Variants in NCOR1 observed in about 807,000 individuals in gnomAD.
NCOR1 encodes the protein protein phosphatase 1, regulatory subunit 109.
NCOR1 carries 63 observed loss-of-function variants against 288.1 expected under a neutral mutation model. That is an observed-to-expected ratio of 0.22 (90% CI 0.18 to 0.27). The LOEUF (loss-of-function observed/expected upper bound fraction) is 0.27, where lower values mean the gene tolerates loss of function less well. Ranked by LOEUF, NCOR1 falls within the 10% of genes least tolerant of loss-of-function variation. The pLI, the probability that NCOR1 is intolerant of heterozygous loss-of-function variation, is 1.00. For missense variants in NCOR1, 2,397 were observed against 3,019.2 expected (o/e 0.79, Z 4.83); for synonymous variants, 1,007 against 1,065.9 (o/e 0.94, Z 1.08).
At chr17:16,120,983 C>G (rs893950371) in intron 16 of NCOR1, 69 bp downstream of exon 16, 27 of 1,378,782 alleles carry the variant, frequency 2.0e-5, no homozygotes, top group Middle Eastern at 5.0e-4. Flanking sequence ...TCCTTTCTAC[C>G]CTATCCTAGC....
intron 40 of NCOR1, among the ~76,000 whole-genome samples, chr17:16,050,598 T>A (rs2059195856): frequency 6.6e-6 from 1 of 152,192 alleles, no homozygotes; most frequent in Non-Finnish European, 1.5e-5. Flanking sequence ...ATTATGACTA[T>A]TAGACTAAAG....
chr17:16,054,180 A>C (rs1396523607), intron 40 of NCOR1, among the ~76,000 whole-genome samples: 1 of 152,034 alleles, frequency 6.6e-6, no homozygotes, highest in Non-Finnish European at 1.5e-5. Context: ...ACCAAAAGCA[A>C]CTGGAACAAA....
chr17:16,157,656 AT>A (rs2080034079), intron 6 of NCOR1, among the ~76,000 whole-genome samples: 2 of 152,114 alleles, frequency 1.3e-5, no homozygotes, highest in Admixed American at 6.6e-5. Context: ...ACAATCCCAA[AT>A]TTTACCTGAT....
intron 31 of NCOR1, 39 bp downstream of exon 31, chr17:16,070,126 C>G (rs1335629582): frequency 7.0e-7 from 1 of 1,438,690 alleles, no homozygotes; most frequent in Non-Finnish European, 9.2e-7. Context: ...TTTTTAAATG[C>G]AATAAAAAGT....
intron 22 of NCOR1, 94 bp downstream of exon 22, chr17:16,091,769 G>A: frequency 1.9e-6 from 3 of 1,584,074 alleles, no homozygotes. Context: ...CAGTTGGGAG[G>A]CTGACAACTT....
intron 18 of NCOR1, among the ~76,000 whole-genome samples, chr17:16,109,193 C>A (rs539511211): frequency 3.4e-4 from 51 of 152,180 alleles, no homozygotes; most frequent in African/African-American, 1.2e-3. Flanking sequence ...CCAAAAATCA[C>A]ATACCTCCAT....
At position 16,058,721 on chromosome 17, in the gene NCOR1, A is replaced by G. The variant is rs565051494; in HGVS notation, c.5882-122T>C. On this transcript the variant is annotated intron_variant, in intron 37 of 45. Transcript: ENST00000268712. ...ACCATGTTCAAAGGTATTCCAGGTT[A>G]ATGAGGGTTTTCTGAAGTTTTATGG... 7 of 1,045,932 alleles carry G rather than the reference A, an allele frequency of 6.7e-6. 1 individual carries two copies. In the East Asian group the frequency reaches 1.3e-4, roughly 19 times the overall value. The allele number at this position is 1,045,932 out of a possible 1,614,324, so 64.8% of individuals were successfully genotyped here. A position where few individuals can be genotyped will look rare whatever the true frequency, so the allele number is the denominator to read the frequency against.
At chr17:16,152,919 C>A (rs944063162) in intron 7 of NCOR1, among the ~76,000 whole-genome samples, 5 of 152,084 alleles carry the variant, frequency 3.3e-5, no homozygotes, top group African/African-American at 4.8e-5. Context: ...ACTGTTAATC[C>A]CATCTCCTGT....
At chr17:16,077,424 G>GAAGGA (rs1399641926) in intron 26 of NCOR1, among the ~76,000 whole-genome samples, 1 of 139,794 alleles carries the variant, frequency 7.2e-6, no homozygotes, top group Admixed American at 7.3e-5. Flanking sequence ...AAGCAAAAAG[G>GAAGGA]AAGGAAAGGA....
chr17:16,205,322 C>A (rs1237529698), intron 1 of NCOR1, among the ~76,000 whole-genome samples: 3 of 152,006 alleles, frequency 2.0e-5, no homozygotes, highest in Non-Finnish European at 4.4e-5. Flanking sequence ...CAAAAGTAGG[C>A]AATTTATAAA....
At chr17:16,201,425 C>G (rs2090792181) in intron 1 of NCOR1, among the ~76,000 whole-genome samples, 1 of 151,724 alleles carries the variant, frequency 6.6e-6, no homozygotes, top group Non-Finnish European at 1.5e-5. Flanking sequence ...AAAACAAAAC[C>G]CCGTCTACAC....
In NCOR1 at chr17:16,108,915, A is replaced by G. The variant is rs1329414456; in HGVS notation, c.2056-3T>C. ...TCTTCACGAGGTTTTCGTGAAGTCT[A>G]AAGGAGGAAAGAGTATTATTTGATT... On this transcript the variant is annotated splice_polypyrimidine_tract_variant and splice_region_variant and intron_variant, in intron 18 of 45. Transcript: ENST00000268712. 7 of 1,563,234 alleles carry G rather than the reference A, an allele frequency of 4.5e-6. No homozygotes were observed. The highest frequency in any genetic ancestry group is 2.3e-5 in the East Asian group (1 of 44,290).
rs901318258 is a variant in NCOR1, at chr17:16,154,040, T to A, written c.733-645A>T. On this transcript the variant is annotated intron_variant, in intron 6 of 45. Transcript: ENST00000268712. ...CTTTTTTTTTTTTTTTTTTTTTTTT[T>A]ATTTGAGACAGGGTCTCACTCTGTC... Among the ~76,000 whole-genome samples the A allele has an allele frequency of 3.5e-5, 4 of 113,472 alleles. No homozygotes were observed. The South Asian group carries it at 7.3e-4, about 21-fold the overall frequency. The allele number at this position is 113,472 out of a possible 152,430, so 74.4% of individuals were successfully genotyped here.
Position 16,182,185 on chromosome 17 carries a change from A to G in NCOR1, c.242+4369T>C, listed in dbSNP as rs954412346. Among the ~76,000 whole-genome samples the G allele has an allele frequency of 5.3e-5, 8 of 152,340 alleles. No homozygotes were observed. The South Asian group carries it at 6.2e-4, about 12-fold the overall frequency. On this transcript the variant is annotated intron_variant, in intron 3 of 45. Transcript: ENST00000268712. ...AAATAAAAATTGGAATAGTATTCAC[A>G]TAGAAGCCTGCCTGTTTCCAGTAAT...
intron 15 of NCOR1, among the ~76,000 whole-genome samples, chr17:16,124,572 A>G (rs566493097): frequency 6.6e-5 from 10 of 152,268 alleles, no homozygotes; most frequent in South Asian, 2.1e-4. Flanking sequence ...GTTCTTGGGG[A>G]AAAAAACAAC....
At chr17:16,047,898 A>C (rs1223415287) in intron 41 of NCOR1, among the ~76,000 whole-genome samples, 1 of 152,226 alleles carries the variant, frequency 6.6e-6, no homozygotes, top group Non-Finnish European at 1.5e-5. Context: ...CCTGTCCTCA[A>C]AACACTCATA....
intron 20 of NCOR1, among the ~76,000 whole-genome samples, chr17:16,100,415 T>C (rs1221712605): frequency 6.6e-6 from 1 of 151,982 alleles, no homozygotes; most frequent in Non-Finnish European, 1.5e-5. Context: ...CTGAGATGGG[T>C]GGATCACCTG....
intron 6 of NCOR1, among the ~76,000 whole-genome samples, chr17:16,153,954 T>G (rs570744564): frequency 6.6e-6 from 1 of 151,570 alleles, no homozygotes; most frequent in South Asian, 2.1e-4. Context: ...TAATTTGAAT[T>G]ATTCAAAGTG....
At position 16,125,714 on chromosome 17, in the gene NCOR1, A is replaced by C. The variant is rs537436060; in HGVS notation, c.1634+368T>G. On this transcript the variant is annotated intron_variant, in intron 15 of 45. Coordinates refer to ENST00000268712, the MANE Select transcript of NCOR1 (RefSeq NM_006311.4). ...GAGACGCCATCACAAAAAAAAAAAA[A>C]AAAAAAAACTATACTTTTGCAGCAA... Among the ~76,000 whole-genome samples the C allele has an allele frequency of 1.3e-4, 19 of 151,934 alleles. No individual in the cohort carries two copies. The East Asian group carries it at 2.3e-3, about 19-fold the overall frequency.
Sources: allele counts gnomAD v4.1 joint callset (sites outside exome capture counted in the v4.1 genomes callset), GRCh38; gene constraint gnomAD v4.1.1; transcripts MANE v1.5; gene names NCBI Gene and HGNC (gene_info 2026-07-23, HGNC 2026-07-21).